The following ACBD6 variants were observed in gnomAD, a reference collection of about 807,000 sequenced individuals.
ACBD6 encodes acyl-CoA binding domain containing 6.
Under a neutral mutation model 37.2 loss-of-function variants are expected in ACBD6, and 28 were observed. The observed-to-expected ratio is 0.75, with a 90% confidence interval of 0.56 to 1.03. The LOEUF (loss-of-function observed/expected upper bound fraction) is 1.03. ACBD6 is among the 50% of genes least tolerant of loss of function. ACBD6 has a pLI of 0.00. For missense variants in ACBD6, 340 were observed against 337.4 expected (o/e 1.01, Z -0.06); for synonymous variants, 113 against 126.8 (o/e 0.89, Z 0.73).
chr1:180,305,659 G>A (rs1650325526), intron 7 of ACBD6, among the ~76,000 whole-genome samples: 1 of 152,222 alleles, frequency 6.6e-6, no homozygotes, highest in African/African-American at 2.4e-5. Context: ...TGGTGGGACT[G>A]TAAACTGGTT....
chr1:180,380,683 C>T (rs1341924), intron 6 of ACBD6, among the ~76,000 whole-genome samples: 20,148 of 151,420 alleles, frequency 0.13, 1,967 homozygotes, highest in East Asian at 0.36. Context: ...CATGAAGACA[C>T]GTGAAAATAT....
At chr1:180,282,971 T>TG (rs1553286427) in intron 8 of ACBD6, among the ~76,000 whole-genome samples, 1 of 95,522 alleles carries the variant, frequency 1.0e-5, no homozygotes, top group Admixed American at 1.2e-4. Context: ...TATGTCTTTC[T>TG]GTTTTTTTTT....
chr1:180,332,846 T>C (rs982729505), intron 6 of ACBD6, among the ~76,000 whole-genome samples: 2 of 152,202 alleles, frequency 1.3e-5, no homozygotes, highest in African/African-American at 4.8e-5. Context: ...TGGGGACCAC[T>C]GAGTTAGATA....
intron 3 of ACBD6, among the ~76,000 whole-genome samples, chr1:180,481,746 C>T (rs1651049841): frequency 6.6e-6 from 1 of 152,130 alleles, no homozygotes; most frequent in African/African-American, 2.4e-5. Flanking sequence ...TGGAAATACA[C>T]TCTAAGAGAG....
At chr1:180,318,560 T>A (rs1297103719) in intron 6 of ACBD6, among the ~76,000 whole-genome samples, 1 of 152,184 alleles carries the variant, frequency 6.6e-6, no homozygotes, top group Non-Finnish European at 1.5e-5. Flanking sequence ...TTTGTTTCTG[T>A]CAAGCATCCC....
intron 3 of ACBD6, among the ~76,000 whole-genome samples, chr1:180,440,515 ATATTGTGCAACCAACTGCATC>A (rs1363877224): frequency 6.6e-6 from 1 of 152,202 alleles, no homozygotes; most frequent in Non-Finnish European, 1.5e-5. Flanking sequence ...TACATTCACA[ATATTGTGCAACCAACTGCATC>A]TAGTTCCACA....
chr1:180,413,058 T>A (rs1013598291), intron 5 of ACBD6, among the ~76,000 whole-genome samples: 1 of 152,224 alleles, frequency 6.6e-6, no homozygotes, highest in African/African-American at 2.4e-5. Flanking sequence ...TATGTATAAA[T>A]GAGATTTTGC....
intron 4 of ACBD6, among the ~76,000 whole-genome samples, chr1:180,418,582 G>GA (rs930813212): frequency 3.1e-4 from 43 of 139,526 alleles, no homozygotes; most frequent in East Asian, 6.2e-4. Flanking sequence ...TCTTAAAAAA[G>GA]AAAAAAAAAA....
intron 6 of ACBD6, among the ~76,000 whole-genome samples, chr1:180,316,843 T>A (rs940314614): frequency 6.6e-6 from 1 of 152,154 alleles, no homozygotes; most frequent in African/African-American, 2.4e-5. Context: ...AGGGAATCAA[T>A]AAGCAAATAA....
intron 6 of ACBD6, among the ~76,000 whole-genome samples, chr1:180,349,045 GT>G (rs112736988): frequency 8.6e-5 from 13 of 151,552 alleles, no homozygotes; most frequent in Non-Finnish European, 1.8e-4. Context: ...TTTTTCCTGA[GT>G]TTTTTTTAAC....
intron 4 of ACBD6, among the ~76,000 whole-genome samples, chr1:180,423,848 C>T (rs969536114): frequency 9.9e-5 from 15 of 152,098 alleles, no homozygotes; most frequent in Non-Finnish European, 1.9e-4. Flanking sequence ...AAGCACAGAT[C>T]CGCTTTCCTA....
At chr1:180,498,945 T>C (rs1413411662) in intron 1 of ACBD6, among the ~76,000 whole-genome samples, 3 of 152,076 alleles carry the variant, frequency 2.0e-5, no homozygotes, top group Non-Finnish European at 4.4e-5. Flanking sequence ...TTCACAGCTG[T>C]CAATTAGCTA....
In ACBD6 at chr1:180,288,278, G is replaced by C; in HGVS notation, c.*85C>G. 6.3e-7 allele frequency: 1 copy of C among 1,576,530 alleles called. No individual in the cohort carries two copies. Among genetic ancestry groups the C allele is most frequent in the Non-Finnish European group, 8.7e-7 (1 of 1,152,254 alleles). Reference sequence around the variant, plus strand: ...TATTAGCCAATACATACCAAAGACGGGTGGAAAAGAAGTATTATTTTTGTA... The same window carrying C: ...TATTAGCCAATACATACCAAAGACGCGTGGAAAAGAAGTATTATTTTTGTA... On this transcript the variant is annotated 3_prime_UTR_variant, in exon 8 of 8. Transcript: ENST00000367595.
chr1:180,397,706 T>C (rs1654315565), intron 5 of ACBD6, 101 bp from the exon 6 acceptor site: 5 of 993,178 alleles, frequency 5.0e-6, no homozygotes, highest in Middle Eastern at 2.1e-4. Flanking sequence ...AAATTATGGG[T>C]TAATTATTCT....
intron 3 of ACBD6, among the ~76,000 whole-genome samples, chr1:180,491,664 T>G (rs1341778527): frequency 2.0e-5 from 3 of 152,108 alleles, no homozygotes; most frequent in African/African-American, 7.2e-5. Flanking sequence ...AATCCAAGAG[T>G]AACCTTTTTT....
At chr1:180,329,618 T>C (rs1651398661) in intron 6 of ACBD6, among the ~76,000 whole-genome samples, 2 of 152,332 alleles carry the variant, frequency 1.3e-5, no homozygotes, top group East Asian at 3.9e-4. Flanking sequence ...TTTTAAACTT[T>C]TGGGGAGCAT....
chr1:180,494,734 G>C (rs1270176943), intron 2 of ACBD6, among the ~76,000 whole-genome samples: 5 of 152,012 alleles, frequency 3.3e-5, no homozygotes, highest in African/African-American at 9.7e-5. Context: ...CTTAATTCCA[G>C]GGCTGATGCT....
At chr1:180,385,569 C>A (rs910596571) in intron 6 of ACBD6, among the ~76,000 whole-genome samples, 6 of 151,630 alleles carry the variant, frequency 4.0e-5, no homozygotes, top group African/African-American at 1.5e-4. Context: ...TAATTAAGGT[C>A]AAATTAGGTT....
Position 180,433,574 on chromosome 1 carries a change from CTGTGTGTGTGTGTGTGTGTGTGTGTG to C in ACBD6, c.385-3338_385-3313del, listed in dbSNP as rs61101474. Among the ~76,000 whole-genome samples the C allele has an allele frequency of 1.7e-4, 25 of 149,828 alleles. 1 individual carries two copies. Among genetic ancestry groups the C allele is most frequent in the African/African-American group, 5.4e-4 (22 of 40,634 alleles). On this transcript the variant is annotated intron_variant, in intron 3 of 7. Transcript: ENST00000367595. ...AATAAAAGGCATTTGTGGTGTTATGCTGTGTGTGTGTGTGTGTGTGTGTGTGTGTGTGTGTGTGTGTGTGTACAGAG... is the reference window on the plus strand; with the variant it reads ...AATAAAAGGCATTTGTGGTGTTATGCTGTGTGTGTGTGTGTGTGTACAGAG...
Sources: gnomAD v4.1 joint callset for allele counts (sites outside exome capture counted in the v4.1 genomes callset) on GRCh38, gnomAD v4.1.1 for gene constraint, MANE v1.5 for transcripts, NCBI Gene and HGNC (gene_info 2026-07-23, HGNC 2026-07-21) for gene names.